Variants in SEMA4B observed in about 807,000 individuals in gnomAD.
SEMA4B encodes semaphorin 4B, also known as semaphorin-4B.
Under a neutral mutation model 88.1 loss-of-function variants are expected in SEMA4B, and 55 were observed. The ratio of observed to expected loss-of-function variants is 0.62; its 90% CI spans 0.50 to 0.78. SEMA4B has a LOEUF of 0.78. SEMA4B is among the 30% of genes least tolerant of loss of function. The pLI is 0.00. For synonymous variants in SEMA4B, 525 were observed against 473.6 expected (o/e 1.11, Z -1.41); for missense variants, 1,062 against 1,111.9 (o/e 0.96, Z 0.64).
intron 12 of SEMA4B, chr15:90,227,288 C>G: frequency 2.4e-6 from 1 of 420,134 alleles, no homozygotes; most frequent in Non-Finnish European, 4.3e-6. Flanking sequence ...CTCAAGCGAT[C>G]TACCGGCCTT....
chr15:90,197,204 T>G (rs1960537345), upstream of SEMA4B, among the ~76,000 whole-genome samples: 1 of 151,908 alleles, frequency 6.6e-6, no homozygotes, highest in Admixed American at 6.6e-5. Flanking sequence ...CTGGGCAACG[T>G]GGTGAAACCC....
chr15:90,201,777 G>T lies in SEMA4B; in HGVS notation c.157+42G>T, dbSNP rs1055978795. ...CGGGGACGCGGGCCGGGGGAAGGAA[G>T]GCTGCCGGGGACGTGCCTCGTGCGG... On this transcript the variant is annotated intron_variant, in intron 1 of 13. Coordinates refer to ENST00000411539, the MANE Select transcript of SEMA4B (RefSeq NM_198925.4). 2.9e-6 allele frequency: 4 copies of T among 1,378,144 alleles called. No homozygotes were observed. The African/African-American group carries it at 4.6e-5, about 16-fold the overall frequency. 85.4% of individuals were successfully genotyped at this position (1,378,144 alleles called of 1,614,324 possible).
chr15:90,196,716 T>C (rs1374541092), upstream of SEMA4B, among the ~76,000 whole-genome samples: 3 of 152,046 alleles, frequency 2.0e-5, no homozygotes, highest in Non-Finnish European at 4.4e-5. Flanking sequence ...CTCGATCTCC[T>C]GACCTCGTGA....
Position 90,201,622 on chromosome 15 carries a change from C to T in SEMA4B, c.44C>T (p.Pro15Leu). The stretch of plus-strand genomic sequence containing the variant: ...GGCCTGAGGAGCTGGCTCGCCGCCC[C>T]ATGGGGCGCGCTGCCGCCTCGGCCA... ...AMGLRSWLAA[P>L]WGALPPRPPL... is the part of the protein sequence containing the mutation. The change falls in exon 1 of 14, where the codon CCA becomes CTA. Residue 15 changes from proline to leucine, a missense_variant. Physicochemically the swap from Pro to Leu is moderately conservative, Grantham distance 98. Coordinates refer to ENST00000411539, the MANE Select transcript of SEMA4B (RefSeq NM_198925.4). 9 of 1,518,644 alleles carry T rather than the reference C, an allele frequency of 5.9e-6. No individual in the cohort carries two copies. The highest frequency in any genetic ancestry group is 7.9e-6 in the Non-Finnish European group (9 of 1,141,082). The allele number at this position is 1,518,644 out of a possible 1,614,324, so 94.1% of individuals were successfully genotyped here.
Position 90,229,099 on chromosome 15 carries a change from C to T in SEMA4B, c.*456C>T, listed in dbSNP as rs941110392. 5.9e-5 allele frequency: 21 copies of T among 354,484 alleles called. 1 individual carries two copies. The Middle Eastern group carries it at 4.6e-3, about 77-fold the overall frequency. The allele number at this position is 354,484 out of a possible 1,614,324, so 22.0% of individuals were successfully genotyped here. ...GGCCTCTTCACCTTCCACATTATCC[C>T]GCTGCCACCGGCTGCCCTGTCTCAC... On this transcript the variant is annotated 3_prime_UTR_variant, in exon 14 of 14. Transcript: ENST00000411539.
At chr15:90,190,026 G>A (rs776592094) in intron 1 of SEMA4B, among the ~76,000 whole-genome samples, 25 of 152,208 alleles carry the variant, frequency 1.6e-4, no homozygotes, top group African/African-American at 3.1e-4. Context: ...CCGTGGGTGC[G>A]TCCTCTTAGA....
chr15:90,205,665 C>T (rs569401254), intron 1 of SEMA4B, among the ~76,000 whole-genome samples: 2 of 152,334 alleles, frequency 1.3e-5, no homozygotes, highest in African/African-American at 4.8e-5. Context: ...GTAGCTTCTG[C>T]TCTGGTGTGC....
In SEMA4B at chr15:90,209,925, C is replaced by T. The variant is rs562903559; in HGVS notation, c.158-7514C>T. 1.2e-3 allele frequency among the ~76,000 whole-genome samples: 177 copies of T among 152,200 alleles called. 1 individual carries two copies. Among genetic ancestry groups the T allele is most frequent in the African/African-American group, 4.2e-3 (173 of 41,516 alleles). Reference sequence around the variant, plus strand: ...AGCACTAGCAAGTTAGGAGCTTGGACGACGGGGTGCTATTGAAGTTTTTAG... The same window carrying T: ...AGCACTAGCAAGTTAGGAGCTTGGATGACGGGGTGCTATTGAAGTTTTTAG... On this transcript the variant is annotated intron_variant, in intron 1 of 13. Transcript: ENST00000411539.
intron 1 of SEMA4B, among the ~76,000 whole-genome samples, chr15:90,213,072 CGTT>C (rs1961353510): frequency 6.6e-6 from 1 of 152,182 alleles, no homozygotes; most frequent in Non-Finnish European, 1.5e-5. Context: ...CCATGTGCAA[CGTT>C]GTTTTAGCAA....
chr15:90,188,507 A>G (rs545421426), intron 1 of SEMA4B, among the ~76,000 whole-genome samples: 20 of 151,872 alleles, frequency 1.3e-4, no homozygotes, highest in South Asian at 2.1e-4. Context: ...GCATGCCTGT[A>G]ATCCCAGCTA....
chr15:90,194,697 G>T (rs1960448741), intron 1 of SEMA4B, among the ~76,000 whole-genome samples: 1 of 152,058 alleles, frequency 6.6e-6, no homozygotes, highest in Non-Finnish European at 1.5e-5. Context: ...CACCGTGCCT[G>T]GCTGTCACCC....
At position 90,225,234 on chromosome 15, in the gene SEMA4B, C is replaced by T. The variant is rs780373054; in HGVS notation, c.1406-48C>T. 5.8e-6 allele frequency: 9 copies of T among 1,555,206 alleles called. No individual in the cohort carries two copies. In the African/African-American group the frequency reaches 1.1e-4, roughly 19 times the overall value. Reference sequence around the variant, plus strand: ...GAAGGGGTGCACGTGGCTGGTGGGTCATGGGCAGTGGGCTCCACCCAGGGC... The same window carrying T: ...GAAGGGGTGCACGTGGCTGGTGGGTTATGGGCAGTGGGCTCCACCCAGGGC... On this transcript the variant is annotated intron_variant, in intron 10 of 13. Transcript: ENST00000411539.
At chr15:90,223,472 G>A (rs1213886975) in intron 7 of SEMA4B, 87 bp from the exon 8 acceptor site, 5 of 1,232,378 alleles carry the variant, frequency 4.1e-6, no homozygotes, top group Non-Finnish European at 4.4e-6. Context: ...GGTGTCTGGG[G>A]TGGGTCCATT....
intron 9 of SEMA4B, 96 bp from the exon 10 acceptor site, chr15:90,224,872 G>C (rs1045802864): frequency 1.2e-5 from 12 of 1,028,424 alleles, no homozygotes; most frequent in Non-Finnish European, 1.7e-5. Context: ...CGGGCGGGGG[G>C]ACAGACACCG....
At chr15:90,217,325 C>T (rs921831702) in intron 1 of SEMA4B, 114 bp from the exon 2 acceptor site, 17 of 1,107,850 alleles carry the variant, frequency 1.5e-5, no homozygotes, top group Non-Finnish European at 2.0e-5. Context: ...CTTGCCATTG[C>T]CACCCTTTGC....
chr15:90,215,659 A>G (rs560408920), intron 1 of SEMA4B, among the ~76,000 whole-genome samples: 1 of 152,226 alleles, frequency 6.6e-6, no homozygotes, highest in African/African-American at 2.4e-5. Context: ...TAAAAATACA[A>G]AAGTTAGCCG....
intron 1 of SEMA4B, among the ~76,000 whole-genome samples, chr15:90,191,693 T>C (rs1187312937): frequency 6.6e-6 from 1 of 152,180 alleles, no homozygotes; most frequent in African/African-American, 2.4e-5. Flanking sequence ...AAGAGGCCGG[T>C]AGCGGGGAAA....
chr15:90,219,536 G>A, intron 3 of SEMA4B: 2 of 482,056 alleles, frequency 4.1e-6, no homozygotes, highest in Non-Finnish European at 7.4e-6. Flanking sequence ...AGGATTCTGT[G>A]CCCTCACCCC....
chr15:90,194,193 A>C (rs1356746862), intron 1 of SEMA4B, among the ~76,000 whole-genome samples: 1 of 151,408 alleles, frequency 6.6e-6, no homozygotes, highest in East Asian at 1.9e-4. Context: ...TGTGGGCTGA[A>C]CAGTGCAGTT....
Sources: gnomAD v4.1 joint callset for allele counts (sites outside exome capture counted in the v4.1 genomes callset) on GRCh38, gnomAD v4.1.1 for gene constraint, MANE v1.5 for transcripts, NCBI Gene and HGNC (gene_info 2026-07-23, HGNC 2026-07-21) for gene names.